Variants in CACNA1A observed in about 807,000 individuals in gnomAD.
CACNA1A encodes the protein calcium voltage-gated channel subunit alpha1 A.
Under a neutral mutation model 262.4 loss-of-function variants are expected in CACNA1A, and 57 were observed. The observed-to-expected ratio is 0.22, with a 90% CI of 0.18 to 0.27. The LOEUF (loss-of-function observed/expected upper bound fraction) is 0.27, where lower values mean the gene tolerates loss of function less well. CACNA1A is among the 10% of genes least tolerant of loss of function. CACNA1A has a pLI of 1.00. For missense variants in CACNA1A, 2,526 were observed against 3,562.8 expected (o/e 0.71, Z 7.41); for synonymous variants, 1,431 against 1,419.3 (o/e 1.01, Z -0.18).
intron 2 of CACNA1A, 41 bp from the exon 3 acceptor site, chr19:13,453,056 C>T (rs1480370056): frequency 6.2e-7 from 1 of 1,610,324 alleles, no homozygotes; most frequent in Admixed American, 1.7e-5. Context: ...TTGGGCTGGG[C>T]AGATGTTGAC....
intron 6 of CACNA1A, among the ~76,000 whole-genome samples, chr19:13,349,175 G>A (rs768442542): frequency 9.9e-5 from 15 of 152,106 alleles, no homozygotes; most frequent in African/African-American, 3.4e-4. Flanking sequence ...GTGGGCCTCC[G>A]TTTCCTCATC....
In CACNA1A at chr19:13,371,713, C is replaced by T. The variant is rs764071583; in HGVS notation, c.606G>A (p.Pro202=). The change falls in exon 4 of 47, where the codon CCG becomes CCA. Residue 202 remains proline (P), a synonymous_variant. Transcript: ENST00000360228. The part of the protein sequence containing the change: ...RTLRAVRVLR[P]LKLVSGIPSL... ...TTGGGATTCCAGACACCAGCTTGAG[C>T]GGCCGCAGCACTCGAACTGCCCTCA... The T allele has an allele frequency of 3.8e-6, 6 of 1,578,898 alleles. No homozygotes were observed. The highest frequency in any genetic ancestry group is 1.2e-5 in the South Asian group (1 of 85,728).
At chr19:13,456,274 C>A (rs1208660534) in intron 1 of CACNA1A, among the ~76,000 whole-genome samples, 2 of 152,156 alleles carry the variant, frequency 1.3e-5, no homozygotes, top group East Asian at 3.8e-4. Context: ...AAAATTTAAA[C>A]CTTTTGTGCA....
intron 19 of CACNA1A, among the ~76,000 whole-genome samples, chr19:13,291,486 G>A (rs974966047): frequency 6.6e-6 from 1 of 151,948 alleles, no homozygotes; most frequent in African/African-American, 2.4e-5. Flanking sequence ...AGCTGAGCTG[G>A]GCTCTCTGGT....
At chr19:13,489,003 C>CTTTTTCT (rs1980406730) in intron 1 of CACNA1A, among the ~76,000 whole-genome samples, 2 of 75,226 alleles carry the variant, frequency 2.7e-5, no homozygotes, top group African/African-American at 1.5e-4. Context: ...CTTTTCTTTT[C>CTTTTTCT]TTTTTTTTTT....
intron 1 of CACNA1A, among the ~76,000 whole-genome samples, chr19:13,488,390 CTTTTT>C (rs34348281): frequency 1.2e-4 from 9 of 77,634 alleles, no homozygotes; most frequent in South Asian, 7.6e-4. Flanking sequence ...TTTTTCTTTT[CTTTTT>C]TTTTTTTTTT....
intron 22 of CACNA1A, among the ~76,000 whole-genome samples, chr19:13,280,452 C>G (rs1030822854): frequency 6.6e-6 from 1 of 151,586 alleles, no homozygotes; most frequent in East Asian, 1.9e-4. Context: ...CTTGGCCTCT[C>G]GAAGTGCTGG....
chr19:13,431,605 A>T (rs1330491267), intron 3 of CACNA1A, among the ~76,000 whole-genome samples: 1 of 152,146 alleles, frequency 6.6e-6, no homozygotes, highest in Non-Finnish European at 1.5e-5. Context: ...ACAATAGCCA[A>T]GATGCAGGTA....
Position 13,466,790 on chromosome 19 carries a change from AT to A in CACNA1A, c.294-11579del, listed in dbSNP as rs889041787. 2.6e-5 allele frequency among the ~76,000 whole-genome samples: 4 copies of A among 151,710 alleles called. No individual in the cohort carries two copies. In the South Asian group the frequency reaches 6.2e-4, roughly 24 times the overall value. On this transcript the variant is annotated intron_variant, in intron 1 of 46. Transcript: ENST00000360228. The stretch of plus-strand genomic sequence containing the variant: ...TAAATTCCGTGATGTGAAATTGCTG[AT>A]TTTTTTTCCTCTGAGCCCTCAACCA...
intron 29 of CACNA1A, among the ~76,000 whole-genome samples, chr19:13,253,445 CTT>C (rs57960659): frequency 9.6e-5 from 9 of 94,230 alleles, no homozygotes; most frequent in Non-Finnish European, 1.5e-4. Context: ...CTGAATTATA[CTT>C]TTTTTTTTTT....
chr19:13,318,508 G>A (rs1466882801), intron 10 of CACNA1A, among the ~76,000 whole-genome samples: 1 of 152,120 alleles, frequency 6.6e-6, no homozygotes, highest in African/African-American at 2.4e-5. Context: ...AACCTGATTT[G>A]GGTGTTCACA....
intron 10 of CACNA1A, among the ~76,000 whole-genome samples, chr19:13,320,530 T>C (rs1422962853): frequency 6.6e-6 from 1 of 152,174 alleles, no homozygotes; most frequent in Non-Finnish European, 1.5e-5. Context: ...ATGACTAGGT[T>C]CACGTGCCAG....
chr19:13,425,401 A>G (rs1349627384), intron 3 of CACNA1A, among the ~76,000 whole-genome samples: 3 of 152,158 alleles, frequency 2.0e-5, no homozygotes, highest in African/African-American at 7.2e-5. Flanking sequence ...TCCAGGGTAC[A>G]CACGTGTTAG....
At chr19:13,430,219 T>TA (rs549050308) in intron 3 of CACNA1A, among the ~76,000 whole-genome samples, 1,539 of 149,720 alleles carry the variant, frequency 0.01, 31 homozygotes, top group African/African-American at 0.035. Context: ...ATATATATAT[T>TA]TTTTGAGACA....
At chr19:13,487,720 A>C (rs1355144933) in intron 1 of CACNA1A, among the ~76,000 whole-genome samples, 1 of 151,900 alleles carries the variant, frequency 6.6e-6, no homozygotes, top group Non-Finnish European at 1.5e-5. Flanking sequence ...CATTAGCTCT[A>C]AGGCTGCTGA....
chr19:13,254,587 C>T (rs181695319), intron 29 of CACNA1A, among the ~76,000 whole-genome samples: 59 of 152,178 alleles, frequency 3.9e-4, no homozygotes, highest in Middle Eastern at 3.4e-3. Flanking sequence ...GTCTCGAACT[C>T]GTGACCTCAG....
intron 1 of CACNA1A, among the ~76,000 whole-genome samples, chr19:13,461,272 A>G (rs2061117328): frequency 6.6e-6 from 1 of 152,184 alleles, no homozygotes; most frequent in South Asian, 2.1e-4. Context: ...CCCGGGAAGC[A>G]GAGTTTGCAG....
At chr19:13,424,797 C>T (rs1441814081) in intron 3 of CACNA1A, among the ~76,000 whole-genome samples, 2 of 151,426 alleles carry the variant, frequency 1.3e-5, no homozygotes, top group Non-Finnish European at 2.9e-5. Flanking sequence ...AAATAATCCA[C>T]ACAACAGACA....
At chr19:13,402,869 CACACATATATATAT>C (rs1377393371) in intron 3 of CACNA1A, among the ~76,000 whole-genome samples, 88 of 75,666 alleles carry the variant, frequency 1.2e-3, no homozygotes, top group South Asian at 4.2e-3. Flanking sequence ...CACACACACA[CACACATATATATAT>C]ATATATATAT....
Sources: allele counts gnomAD v4.1 joint callset (sites outside exome capture counted in the v4.1 genomes callset), GRCh38; gene constraint gnomAD v4.1.1; transcripts MANE v1.5; gene names NCBI Gene and HGNC (gene_info 2026-07-23, HGNC 2026-07-21).